The following FAHD2A variants were observed in gnomAD, a reference collection of about 807,000 sequenced individuals.
FAHD2A encodes fumarylacetoacetate hydrolase domain containing 2A, also known as oxaloacetate tautomerase FAHD2A, mitochondrial.
FAHD2A carries 27 observed loss-of-function variants against 33.4 expected under a neutral mutation model. The ratio of observed to expected loss-of-function variants is 0.81; its 90% CI spans 0.60 to 1.11. FAHD2A has a LOEUF of 1.11. Among genes scored for constraint, FAHD2A ranks in the 50% most tolerant of loss-of-function variants. FAHD2A has a pLI of 0.00. For missense variants in FAHD2A, 296 were observed against 395.0 expected (o/e 0.75, Z 2.12); for synonymous variants, 130 against 153.3 (o/e 0.85, Z 1.12).
At chr2:95,410,843 C>G in intron 4 of FAHD2A, 21 bp from the exon 5 acceptor site, 1 of 1,613,408 alleles carries the variant, frequency 6.2e-7, no homozygotes, top group Non-Finnish European at 8.5e-7. Flanking sequence ...TCCTGTATGG[C>G]CAAATCCCCT....
chr2:95,413,996 A>G lies in FAHD2A; in HGVS notation c.*1039A>G, dbSNP rs766029539. 30 of 1,441,456 alleles carry G rather than the reference A, an allele frequency of 2.1e-5. No homozygotes were observed. Among genetic ancestry groups the G allele is most frequent in the African/African-American group, 9.8e-5 (7 of 71,332 alleles). The allele number at this position is 1,441,456 out of a possible 1,614,324, so 89.3% of individuals were successfully genotyped here. A position where few individuals can be genotyped will look rare whatever the true frequency, so the allele number is the denominator to read the frequency against. On this transcript the variant is annotated 3_prime_UTR_variant, in exon 8 of 8. Coordinates refer to ENST00000233379, the MANE Select transcript of FAHD2A (RefSeq NM_016044.3). ...TGAAGGTCCAGATAGCACTGATGGC[A>G]AGCTTTGGGTCTGCACACTCTGGAA...
chr2:95,403,151 C>T (rs1680989554), intron 1 of FAHD2A, among the ~76,000 whole-genome samples: 1 of 152,182 alleles, frequency 6.6e-6, no homozygotes, highest in Admixed American at 6.5e-5. Context: ...CTCATGTCGC[C>T]GCCCCTTTGC....
At chr2:95,405,425 T>G (rs1053703689) in intron 1 of FAHD2A, 128 bp from the exon 2 acceptor site, 3 of 1,404,358 alleles carry the variant, frequency 2.1e-6, no homozygotes, top group Non-Finnish European at 2.9e-6. Context: ...CCTGGACCAC[T>G]TCCCGTGTGG....
chr2:95,417,153 G>A (rs1340194992), downstream of FAHD2A, among the ~76,000 whole-genome samples: 1 of 152,240 alleles, frequency 6.6e-6, no homozygotes, highest in African/African-American at 2.4e-5. Context: ...GACCTTGGGG[G>A]ACTATAGGGA....
rs1480912336 is a variant in FAHD2A, at chr2:95,402,969, A to C, written c.-7+97A>C. 3 of 152,348 alleles carry C rather than the reference A, an allele frequency of 2.0e-5. No individual in the cohort carries two copies. The East Asian group carries it at 5.8e-4, about 29-fold the overall frequency. The allele number at this position is 152,348 out of a possible 1,614,324, so 9.4% of individuals were successfully genotyped here. A position where few individuals can be genotyped will look rare whatever the true frequency, so the allele number is the denominator to read the frequency against. ...AGTACCGGATCCCCAGCCGCTTCTG[A>C]CCACACAGACGGGGCGGACCTGTGT... is the stretch of plus-strand genomic sequence containing the variant. On this transcript the variant is annotated intron_variant, in intron 1 of 7. Coordinates refer to ENST00000233379, the MANE Select transcript of FAHD2A (RefSeq NM_016044.3).
intron 4 of FAHD2A, 39 bp from the exon 5 acceptor site, chr2:95,410,825 A>G (rs894584573): frequency 6.2e-7 from 1 of 1,611,474 alleles, no homozygotes; most frequent in Admixed American, 1.7e-5. Flanking sequence ...GTCACCCATG[A>G]TCTAACCTCC....
chr2:95,414,694 C>T lies in FAHD2A; in HGVS notation c.*1737C>T, dbSNP rs1408683397. Reference sequence around the variant, plus strand: ...CCACCCCACCCAAGGAAGCCCAGCACAGACCATCTCATCTCACTCCACCAT... The same window carrying T: ...CCACCCCACCCAAGGAAGCCCAGCATAGACCATCTCATCTCACTCCACCAT... On this transcript the variant is annotated 3_prime_UTR_variant, in exon 8 of 8. Transcript: ENST00000233379. 1 of 164,360 alleles carries T rather than the reference C, an allele frequency of 6.1e-6. No homozygotes were observed. Among genetic ancestry groups the T allele is most frequent in the Non-Finnish European group, 1.3e-5 (1 of 79,754 alleles). The allele number at this position is 164,360 out of a possible 1,614,324, so 10.2% of individuals were successfully genotyped here.
chr2:95,418,380 C>A (rs913522780), downstream of FAHD2A, among the ~76,000 whole-genome samples: 7 of 151,838 alleles, frequency 4.6e-5, no homozygotes, highest in Non-Finnish European at 1.0e-4. Context: ...AGAGATATAT[C>A]TGTTCCCTAC....
chr2:95,417,427 A>T (rs1200481684), downstream of FAHD2A, among the ~76,000 whole-genome samples: 1 of 152,068 alleles, frequency 6.6e-6, no homozygotes, highest in Non-Finnish European at 1.5e-5. Context: ...CATTTACAGG[A>T]AGCTGGCTAT....
At chr2:95,417,894 G>A (rs367874297), downstream of FAHD2A, among the ~76,000 whole-genome samples, 14 of 152,228 alleles carry the variant, frequency 9.2e-5, 1 homozygote, top group South Asian at 2.9e-3. Flanking sequence ...CACCCCACTG[G>A]TAGTTAGGGT....
intron 5 of FAHD2A, 108 bp downstream of exon 5, chr2:95,411,134 C>T: frequency 6.6e-7 from 1 of 1,512,136 alleles, no homozygotes; most frequent in South Asian, 1.3e-5. Flanking sequence ...CCCTGGCCGC[C>T]CTTTCACTGC....
At chr2:95,408,100 AAATATT>A (rs1434057689) in intron 3 of FAHD2A, among the ~76,000 whole-genome samples, 2 of 138,750 alleles carry the variant, frequency 1.4e-5, no homozygotes, top group Non-Finnish European at 3.0e-5. Flanking sequence ...AACACATTGG[AAATATT>A]AAGACAATTT....
intron 7 of FAHD2A, 50 bp from the exon 8 acceptor site, chr2:95,412,839 TTGTGTA>T: frequency 6.2e-7 from 1 of 1,614,226 alleles, no homozygotes; most frequent in East Asian, 2.2e-5. Context: ...AAGTACAGGC[TTGTGTA>T]TGTGTGTCTG....
chr2:95,413,752 T>A lies in FAHD2A; in HGVS notation c.*795T>A. ...CCACCTAGAAGGATGAGCCAGTGAT[T>A]TGGGAGACCAAGAGGCAGGAAACCA... On this transcript the variant is annotated 3_prime_UTR_variant, in exon 8 of 8. Transcript: ENST00000233379. The A allele has an allele frequency of 1.4e-6, 1 of 723,010 alleles. No individual in the cohort carries two copies. Among genetic ancestry groups the A allele is most frequent in the African/African-American group, 1.8e-5 (1 of 55,930 alleles). 44.8% of individuals were successfully genotyped at this position (723,010 alleles called of 1,614,324 possible). A position where few individuals can be genotyped will look rare whatever the true frequency, so the allele number is the denominator to read the frequency against.
At chr2:95,421,040 TGTGTGTGTC>T (rs1683308992), downstream of FAHD2A, among the ~76,000 whole-genome samples, 4 of 106,138 alleles carry the variant, frequency 3.8e-5, no homozygotes, top group South Asian at 1.4e-3. Flanking sequence ...TGTGTGTGTG[TGTGTGTGTC>T]CCCAGGATGT....
chr2:95,404,676 T>C (rs186845523), intron 1 of FAHD2A, among the ~76,000 whole-genome samples: 45 of 152,336 alleles, frequency 3.0e-4, no homozygotes, highest in African/African-American at 9.9e-4. Flanking sequence ...AGCCCCTGCT[T>C]CTGTCACTTA....
intron 3 of FAHD2A, among the ~76,000 whole-genome samples, chr2:95,409,089 G>A (rs1489756868): frequency 2.0e-5 from 3 of 152,176 alleles, no homozygotes; most frequent in Non-Finnish European, 2.9e-5. Context: ...ATTTTCCATC[G>A]TATCCCACTG....
Position 95,414,251 on chromosome 2 carries a change from A to G in FAHD2A, c.*1294A>G. 3 of 1,601,468 alleles carry G rather than the reference A, an allele frequency of 1.9e-6. No homozygotes were observed. The highest frequency in any genetic ancestry group is 2.6e-6 in the Non-Finnish European group (3 of 1,172,872). On this transcript the variant is annotated 3_prime_UTR_variant, in exon 8 of 8. Transcript: ENST00000233379. ...GGGCTGACTGGTTGGGACTCACCAAAGATCCCTTCTTCCTGGGCGGTGGCC... is the reference window on the plus strand; with the variant it reads ...GGGCTGACTGGTTGGGACTCACCAAGGATCCCTTCTTCCTGGGCGGTGGCC...
At position 95,414,183 on chromosome 2, in the gene FAHD2A, G is replaced by A. The variant is rs1253642430; in HGVS notation, c.*1226G>A. The A allele has an allele frequency of 4.4e-6, 7 of 1,578,354 alleles. No individual in the cohort carries two copies. Among genetic ancestry groups the A allele is most frequent in the South Asian group, 2.3e-5 (2 of 86,884 alleles). On this transcript the variant is annotated 3_prime_UTR_variant, in exon 8 of 8. Coordinates refer to ENST00000233379, the MANE Select transcript of FAHD2A (RefSeq NM_016044.3). ...AGAGTTGGGTTGTCACTGTCCGGCA[G>A]GGGGCAGCAGCCACCAGCAAACACC...
Sources: gnomAD v4.1 joint callset for allele counts (sites outside exome capture counted in the v4.1 genomes callset) on GRCh38, gnomAD v4.1.1 for gene constraint, MANE v1.5 for transcripts, NCBI Gene and HGNC (gene_info 2026-07-23, HGNC 2026-07-21) for gene names.